CNBD1: variants seen among roughly 807,000 people sequenced by gnomAD.
The protein encoded by CNBD1 is cyclic nucleotide binding domain containing 1.
In CNBD1, 71 loss-of-function variants were observed where a neutral mutation model predicts 54.4. The ratio of observed to expected loss-of-function variants is 1.30; its 90% CI spans 1.08 to 1.59. CNBD1 has a LOEUF of 1.59. Among genes scored for constraint, CNBD1 ranks in the 40% most tolerant of loss-of-function variants. The pLI is 0.00. For synonymous variants in CNBD1, 182 were observed against 170.7 expected (o/e 1.07, Z -0.51); for missense variants, 659 against 518.0 (o/e 1.27, Z -2.64).
intron 4 of CNBD1, among the ~76,000 whole-genome samples, chr8:87,189,486 ACC>A (rs1186254042): frequency 2.2e-4 from 33 of 152,288 alleles, no homozygotes; most frequent in African/African-American, 7.2e-4. Flanking sequence ...TGGTGGGTAT[ACC>A]ATGTCCTTTA....
chr8:87,173,042 A>G (rs977536090), intron 4 of CNBD1, among the ~76,000 whole-genome samples: 3 of 151,546 alleles, frequency 2.0e-5, no homozygotes, highest in African/African-American at 7.3e-5. Flanking sequence ...TTTGTTGTAT[A>G]TTTTTTACTT....
At chr8:87,053,087 A>G (rs1810344832) in intron 4 of CNBD1, among the ~76,000 whole-genome samples, 1 of 152,120 alleles carries the variant, frequency 6.6e-6, no homozygotes, top group Admixed American at 6.5e-5. Context: ...TCCAGGAATT[A>G]GTTTCTCTGA....
At chr8:87,380,114 T>A (rs1392795439) in intron 10 of CNBD1, among the ~76,000 whole-genome samples, 1 of 151,922 alleles carries the variant, frequency 6.6e-6, no homozygotes, top group South Asian at 2.1e-4. Flanking sequence ...TATAATTACA[T>A]ACACAAACAA....
At chr8:87,426,499 T>C (rs866100641) in intron 2 of CNBD1, among the ~76,000 whole-genome samples, 1 of 152,350 alleles carries the variant, frequency 6.6e-6, no homozygotes, top group Admixed American at 6.5e-5. Flanking sequence ...TCTGCACAAT[T>C]CTGTGTTGTG....
At chr8:86,983,803 G>A (rs925892001) in intron 4 of CNBD1, among the ~76,000 whole-genome samples, 1 of 152,200 alleles carries the variant, frequency 6.6e-6, no homozygotes, top group Admixed American at 6.5e-5. Flanking sequence ...GCTGTTAAAA[G>A]CATTCAGTTT....
chr8:87,105,127 G>T (rs1811507063), intron 4 of CNBD1, among the ~76,000 whole-genome samples: 2 of 151,884 alleles, frequency 1.3e-5, no homozygotes, highest in African/African-American at 4.8e-5. Context: ...TGAGGAGATG[G>T]GTTTTTTTTA....
chr8:87,297,953 A>G lies in CNBD1; in HGVS notation c.1042+11282A>G, dbSNP rs1585991772. On this transcript the variant is annotated intron_variant, in intron 8 of 10. Coordinates refer to ENST00000518476, the MANE Select transcript of CNBD1 (RefSeq NM_173538.3). ...TCTATATTCTATATATTCTCCCTAC[A>G]TATTCTATATATCTATATCTATATT... is the stretch of plus-strand genomic sequence containing the variant. 3.3e-5 allele frequency among the ~76,000 whole-genome samples: 5 copies of G among 151,580 alleles called. No homozygotes were observed. The South Asian group carries it at 1.0e-3, about 31-fold the overall frequency.
At chr8:87,300,305 G>T (rs1234923909) in intron 8 of CNBD1, among the ~76,000 whole-genome samples, 2 of 152,060 alleles carry the variant, frequency 1.3e-5, no homozygotes, top group Non-Finnish European at 2.9e-5. Context: ...GACACAGCAT[G>T]CTATAATGAC....
At chr8:87,255,349 G>C (rs1484638153) in intron 6 of CNBD1, among the ~76,000 whole-genome samples, 1 of 152,090 alleles carries the variant, frequency 6.6e-6, no homozygotes. Flanking sequence ...GTACTGAGTA[G>C]TTATAATTTA....
At chr8:87,416,705 T>G (rs756421553) in intron 2 of CNBD1, among the ~76,000 whole-genome samples, 2 of 151,982 alleles carry the variant, frequency 1.3e-5, no homozygotes, top group Admixed American at 6.6e-5. Context: ...TTGAAAACAG[T>G]AAGAGGCAAT....
At chr8:86,931,415 C>T (rs1349099948) in intron 3 of CNBD1, among the ~76,000 whole-genome samples, 1 of 152,126 alleles carries the variant, frequency 6.6e-6, no homozygotes, top group Non-Finnish European at 1.5e-5. Flanking sequence ...GGGCTGTGCA[C>T]CTTCCAGTGA....
chr8:87,024,608 C>T (rs1809588221), intron 4 of CNBD1, among the ~76,000 whole-genome samples: 2 of 152,224 alleles, frequency 1.3e-5, no homozygotes, highest in South Asian at 4.1e-4. Flanking sequence ...TCCCAAACTG[C>T]TGGGATTATA....
At chr8:87,040,960 CAG>C (rs1163565317) in intron 4 of CNBD1, among the ~76,000 whole-genome samples, 1 of 151,854 alleles carries the variant, frequency 6.6e-6, no homozygotes, top group African/African-American at 2.4e-5. Flanking sequence ...TTTATTGCCT[CAG>C]ATTACAAAAG....
At chr8:87,390,738 T>G (rs977114627) in intron 2 of CNBD1, among the ~76,000 whole-genome samples, 6 of 152,188 alleles carry the variant, frequency 3.9e-5, no homozygotes, top group Admixed American at 3.9e-4. Context: ...ATCCCATTAC[T>G]GGGTATATAC....
At chr8:87,319,683 A>T (rs1405032524) in intron 8 of CNBD1, among the ~76,000 whole-genome samples, 1 of 152,058 alleles carries the variant, frequency 6.6e-6, no homozygotes, top group Non-Finnish European at 1.5e-5. Context: ...ACATGTTTTT[A>T]CCTCAATTTA....
chr8:87,291,628 T>C, intron 8 of CNBD1, among the ~76,000 whole-genome samples: 1 of 152,104 alleles, frequency 6.6e-6, no homozygotes. Context: ...TCCTATCTTA[T>C]TTTGTTAATC....
chr8:87,107,029 C>T (rs1689729644), intron 4 of CNBD1, among the ~76,000 whole-genome samples: 1 of 151,934 alleles, frequency 6.6e-6, no homozygotes, highest in Non-Finnish European at 1.5e-5. Flanking sequence ...GGGGCTTCAC[C>T]ATCTTGGCCA....
At chr8:87,317,192 G>A (rs67879567) in intron 8 of CNBD1, among the ~76,000 whole-genome samples, 24,118 of 151,152 alleles carry the variant, frequency 0.16, 2,637 homozygotes, top group African/African-American at 0.32. Flanking sequence ...TTTCTCTTTC[G>A]TTGATTTCTC....
intron 4 of CNBD1, among the ~76,000 whole-genome samples, chr8:87,086,504 T>A (rs1043819059): frequency 6.6e-6 from 1 of 152,210 alleles, no homozygotes; most frequent in African/African-American, 2.4e-5. Flanking sequence ...GAAAGTATAT[T>A]GGCAAAAGTC....
Sources: gnomAD v4.1 joint callset for allele counts (sites outside exome capture counted in the v4.1 genomes callset) on GRCh38, gnomAD v4.1.1 for gene constraint, MANE v1.5 for transcripts, NCBI Gene and HGNC (gene_info 2026-07-23, HGNC 2026-07-21) for gene names.